The following CRISPLD2 variants were observed in gnomAD, a reference collection of about 807,000 sequenced individuals.
The protein encoded by CRISPLD2 is cysteine rich secretory protein LCCL domain containing 2.
In CRISPLD2, 47 loss-of-function variants were observed where a neutral mutation model predicts 71.1. That is an observed-to-expected ratio of 0.66 (90% CI 0.52 to 0.84). The LOEUF is 0.84. Ranked by LOEUF, CRISPLD2 falls within the 40% of genes least tolerant of loss-of-function variation. CRISPLD2 has a pLI of 0.00. For synonymous variants in CRISPLD2, 317 were observed against 250.1 expected, an observed-to-expected ratio of 1.27 and a Z score of -2.52; for missense variants, 830 against 651.1, an observed-to-expected ratio of 1.27 and a Z score of -2.99.
chr16:84,892,934 C>G (rs1054500959), intron 14 of CRISPLD2, among the ~76,000 whole-genome samples: 1 of 147,384 alleles, frequency 6.8e-6, no homozygotes, highest in Non-Finnish European at 1.5e-5. Context: ...CGAGATTCCA[C>G]CACTGTACTC....
chr16:84,861,023 T>C (rs374983040), intron 6 of CRISPLD2, among the ~76,000 whole-genome samples: 10 of 152,288 alleles, frequency 6.6e-5, no homozygotes, highest in Admixed American at 3.9e-4. Flanking sequence ...TCTCCACATA[T>C]AGTCAGAGGT....
intron 6 of CRISPLD2, among the ~76,000 whole-genome samples, chr16:84,860,342 A>C (rs183358628): frequency 6.6e-6 from 1 of 152,240 alleles, no homozygotes; most frequent in East Asian, 1.9e-4. Flanking sequence ...TCCCATGACT[A>C]TTCTCCAGAT....
At chr16:84,886,737 C>G (rs2071617010) in intron 13 of CRISPLD2, among the ~76,000 whole-genome samples, 1 of 152,170 alleles carries the variant, frequency 6.6e-6, no homozygotes, top group Non-Finnish European at 1.5e-5. Context: ...GTGGGAGGAG[C>G]CCGGAAGGTC....
At chr16:84,850,132 C>T (rs1295226061) in intron 4 of CRISPLD2, among the ~76,000 whole-genome samples, 1 of 151,616 alleles carries the variant, frequency 6.6e-6, no homozygotes, top group Non-Finnish European at 1.5e-5. Context: ...CCTCTGTCGC[C>T]CAGGCTGGAG....
At chr16:84,853,170 G>A (rs1236037482) in intron 5 of CRISPLD2, among the ~76,000 whole-genome samples, 1 of 152,180 alleles carries the variant, frequency 6.6e-6, no homozygotes, top group African/African-American at 2.4e-5. Flanking sequence ...CAGTGGTGTG[G>A]TTTGTCTGAG....
chr16:84,883,761 A>G (rs867898074), intron 13 of CRISPLD2, among the ~76,000 whole-genome samples: 1 of 151,834 alleles, frequency 6.6e-6, no homozygotes, highest in African/African-American at 2.4e-5. Flanking sequence ...TATGACAATC[A>G]TGGAGGTGGC....
chr16:84,866,866 T>G, intron 6 of CRISPLD2, 31 bp from the exon 7 acceptor site: 1 of 1,600,282 alleles, frequency 6.2e-7, no homozygotes. Flanking sequence ...TCCCAGTGTG[T>G]TATTTTTTTT....
chr16:84,831,694 C>T (rs1916492783), intron 1 of CRISPLD2, among the ~76,000 whole-genome samples: 1 of 152,086 alleles, frequency 6.6e-6, no homozygotes, highest in Non-Finnish European at 1.5e-5. Flanking sequence ...ATGTGAGTCA[C>T]CGCACCTGGC....
intron 14 of CRISPLD2, among the ~76,000 whole-genome samples, chr16:84,892,564 G>T (rs1335045207): frequency 1.3e-5 from 2 of 152,110 alleles, no homozygotes; most frequent in African/African-American, 4.8e-5. Context: ...CCAACGGTGG[G>T]TGCTCACTGA....
At chr16:84,868,598 C>T (rs759144965) in intron 7 of CRISPLD2, among the ~76,000 whole-genome samples, 10 of 152,204 alleles carry the variant, frequency 6.6e-5, no homozygotes, top group Non-Finnish European at 1.0e-4. Context: ...TGTCACTGTC[C>T]GCATTGTCCA....
intron 13 of CRISPLD2, among the ~76,000 whole-genome samples, chr16:84,886,213 C>T (rs1597479511): frequency 6.6e-6 from 1 of 152,218 alleles, no homozygotes; most frequent in Non-Finnish European, 1.5e-5. Flanking sequence ...AAAGAGCCCG[C>T]CTCTCTTCAT....
chr16:84,832,535 G>A (rs1315473315), intron 1 of CRISPLD2, among the ~76,000 whole-genome samples: 4 of 152,246 alleles, frequency 2.6e-5, no homozygotes, highest in Admixed American at 6.5e-5. Context: ...TCGACGCTTC[G>A]GCGGTGAACG....
At chr16:84,820,855 A>T (rs1442340886) in intron 1 of CRISPLD2, among the ~76,000 whole-genome samples, 3 of 151,974 alleles carry the variant, frequency 2.0e-5, no homozygotes, top group Non-Finnish European at 4.4e-5. Context: ...GTTACCCTGG[A>T]AGCGGAGGGC....
chr16:84,902,471 G>C (rs941825227), intron 14 of CRISPLD2, among the ~76,000 whole-genome samples: 1 of 151,744 alleles, frequency 6.6e-6, no homozygotes, highest in African/African-American at 2.4e-5. Flanking sequence ...TTAGCCAGGC[G>C]TGGTGTTGGA....
chr16:84,850,634 G>A lies in CRISPLD2; in HGVS notation c.559G>A (p.Gly187Arg). ...CACCTGCCGGAAGATGACTGTCTGG[G>A]GAGAAGTTTGGGAGAACGCGGTCTA... ...VNTCRKMTVW[G>R]EVWENAVYFV... The change falls in exon 5 of 15, where the codon GGA (glycine) becomes AGA (arginine). Residue 187 changes from glycine (G) to arginine (R), a missense_variant. Physicochemically the swap from Gly to Arg is moderately radical, Grantham distance 125. Transcript: ENST00000262424. 6.2e-7 allele frequency: 1 copy of A among 1,614,180 alleles called. No homozygotes were observed. The highest frequency in any genetic ancestry group is 8.5e-7 in the Non-Finnish European group (1 of 1,180,034).
intron 10 of CRISPLD2, chr16:84,873,636 T>G (rs1287395096): frequency 2.9e-6 from 1 of 349,810 alleles, no homozygotes; most frequent in African/African-American, 2.1e-5. Context: ...TTCTTTATTT[T>G]GCAGCTGTGG....
intron 14 of CRISPLD2, among the ~76,000 whole-genome samples, chr16:84,891,573 G>A (rs1277808429): frequency 3.3e-5 from 5 of 152,194 alleles, no homozygotes; most frequent in African/African-American, 4.8e-5. Flanking sequence ...TTTCCTGGCC[G>A]GGCTGGAAAG....
intron 13 of CRISPLD2, among the ~76,000 whole-genome samples, chr16:84,882,118 G>A (rs2071573345): frequency 1.3e-5 from 2 of 152,016 alleles, no homozygotes; most frequent in African/African-American, 4.8e-5. Context: ...AGAGGCTGAG[G>A]TTTTCAAATG....
At chr16:84,857,702 A>T (rs912485008) in intron 6 of CRISPLD2, among the ~76,000 whole-genome samples, 4 of 152,192 alleles carry the variant, frequency 2.6e-5, no homozygotes, top group African/African-American at 9.7e-5. Context: ...ATCATCTGTG[A>T]ACCAGGCCCT....
Sources: allele counts gnomAD v4.1 joint callset (sites outside exome capture counted in the v4.1 genomes callset), GRCh38; gene constraint gnomAD v4.1.1; transcripts MANE v1.5; gene names NCBI Gene and HGNC (gene_info 2026-07-23, HGNC 2026-07-21).